Variants in ARSB observed in about 807,000 individuals in gnomAD.
ARSB encodes N-acetylgalactosamine-4-sulfatase.
Under a neutral mutation model 50.9 loss-of-function variants are expected in ARSB, and 41 were observed. That is an observed-to-expected ratio of 0.81 (90% confidence interval 0.63 to 1.04). The LOEUF is 1.04. Among genes scored for constraint, ARSB ranks in the 50% least tolerant of loss-of-function variants. ARSB has a pLI of 0.00. For missense variants in ARSB, 672 were observed against 693.3 expected, an observed-to-expected ratio of 0.97 and a Z score of 0.35; for synonymous variants, 269 against 284.8, an observed-to-expected ratio of 0.94 and a Z score of 0.56.
At position 78,945,061 on chromosome 5, in the gene ARSB, G is replaced by A. The variant is rs187513318; in HGVS notation, c.898+10234C>T. Among the ~76,000 whole-genome samples, 19 of 152,318 alleles carry A rather than the reference G, an allele frequency of 1.2e-4. No homozygotes were observed. In the East Asian group the frequency reaches 1.4e-3, roughly 11 times the overall value. On this transcript the variant is annotated intron_variant, in intron 4 of 7. Transcript: ENST00000264914. ...TAGCAATGAGCGAGGCTCCATGGGCGTAGGACCCTCTGAGCCAGGCGCGGG... is the reference window on the plus strand; with the variant it reads ...TAGCAATGAGCGAGGCTCCATGGGCATAGGACCCTCTGAGCCAGGCGCGGG...
intron 6 of ARSB, among the ~76,000 whole-genome samples, chr5:78,801,382 A>C (rs1743388316): frequency 6.6e-6 from 1 of 152,216 alleles, no homozygotes; most frequent in African/African-American, 2.4e-5. Context: ...GGATTGGTCA[A>C]GTAAGTCTAG....
intron 5 of ARSB, among the ~76,000 whole-genome samples, chr5:78,861,254 T>C (rs1332933853): frequency 6.6e-6 from 1 of 152,148 alleles, no homozygotes; most frequent in East Asian, 1.9e-4. Flanking sequence ...CCTCCCTAAC[T>C]CATTTTATGA....
intron 5 of ARSB, among the ~76,000 whole-genome samples, chr5:78,863,422 C>T (rs1468989425): frequency 1.3e-5 from 2 of 152,076 alleles, no homozygotes; most frequent in Non-Finnish European, 2.9e-5. Flanking sequence ...GAATACTGTA[C>T]AGCCATAAAA....
chr5:78,878,749 T>C (rs145677692), intron 5 of ARSB, among the ~76,000 whole-genome samples: 2 of 152,308 alleles, frequency 1.3e-5, no homozygotes, highest in East Asian at 3.9e-4. Flanking sequence ...ATACTAAGTT[T>C]TTAAGATATT....
chr5:78,885,388 C>T (rs780239564), intron 5 of ARSB, 196 bp downstream of exon 5: 2 of 787,756 alleles, frequency 2.5e-6, no homozygotes, highest in Non-Finnish European at 3.7e-6. Context: ...ACGTAAAACA[C>T]AGGCCCACAA....
intron 4 of ARSB, among the ~76,000 whole-genome samples, chr5:78,923,793 G>A (rs1425046565): frequency 1.3e-5 from 2 of 152,192 alleles, no homozygotes; most frequent in Non-Finnish European, 2.9e-5. Flanking sequence ...TCAGTGAATA[G>A]GTTCAGCTCT....
rs542634356 is a variant in ARSB at position 78,850,393 on chromosome 5, A to G, written c.1143-10967T>C. Among the ~76,000 whole-genome samples, 11 of 152,250 alleles carry G rather than the reference A, an allele frequency of 7.2e-5. No homozygotes were observed. In the East Asian group the frequency reaches 1.5e-3, roughly 21 times the overall value. On this transcript the variant is annotated intron_variant, in intron 5 of 7. Transcript: ENST00000264914. ...TTTGCGTATATTGAACCAGCCTTGCATCCCAGGGATGAAGCCCACTTGATC... is the reference window on the plus strand; with the variant it reads ...TTTGCGTATATTGAACCAGCCTTGCGTCCCAGGGATGAAGCCCACTTGATC...
intron 4 of ARSB, among the ~76,000 whole-genome samples, chr5:78,930,592 G>T (rs1007132006): frequency 6.6e-6 from 1 of 152,172 alleles, no homozygotes; most frequent in African/African-American, 2.4e-5. Flanking sequence ...TAAACCTGTG[G>T]TGCCAATAAT....
At chr5:78,906,039 C>T (rs1330411520) in intron 4 of ARSB, among the ~76,000 whole-genome samples, 1 of 151,308 alleles carries the variant, frequency 6.6e-6, no homozygotes, top group African/African-American at 2.4e-5. Context: ...TGCAGATCTT[C>T]AACTGGGGCC....
intron 6 of ARSB, among the ~76,000 whole-genome samples, chr5:78,800,906 AGAG>A (rs1743365953): frequency 6.6e-6 from 1 of 152,190 alleles, no homozygotes. Flanking sequence ...TAGGATTCAG[AGAG>A]GAGGATGAGC....
chr5:78,982,451 A>C (rs1335300091), intron 1 of ARSB, among the ~76,000 whole-genome samples: 1 of 152,250 alleles, frequency 6.6e-6, no homozygotes, highest in Non-Finnish European at 1.5e-5. Context: ...GGGATTATTT[A>C]GTATGTATGA....
At chr5:78,912,496 T>G (rs1007406823) in intron 4 of ARSB, among the ~76,000 whole-genome samples, 3 of 152,200 alleles carry the variant, frequency 2.0e-5, no homozygotes, top group Non-Finnish European at 2.9e-5. Context: ...TGTTTTTGGC[T>G]AGCAGGAAAA....
intron 6 of ARSB, among the ~76,000 whole-genome samples, chr5:78,827,061 GTA>G (rs1176834429): frequency 6.6e-6 from 1 of 152,170 alleles, no homozygotes; most frequent in African/African-American, 2.4e-5. Flanking sequence ...ACAAGAGACT[GTA>G]AACCTGGCCC....
chr5:78,940,716 T>G (rs1344206240), intron 4 of ARSB, among the ~76,000 whole-genome samples: 3 of 152,208 alleles, frequency 2.0e-5, no homozygotes, highest in African/African-American at 4.8e-5. Flanking sequence ...AGTCAGGTAG[T>G]GTGATGCCTC....
At chr5:78,931,465 T>C (rs770435436) in intron 4 of ARSB, among the ~76,000 whole-genome samples, 49 of 152,128 alleles carry the variant, frequency 3.2e-4, no homozygotes, top group Non-Finnish European at 1.0e-4. Flanking sequence ...CATGAATGCA[T>C]ATTCCTCACT....
chr5:78,902,680 T>C (rs78726122), intron 4 of ARSB, among the ~76,000 whole-genome samples: 2,252 of 152,338 alleles, frequency 0.015, 26 homozygotes, highest in South Asian at 0.041. Flanking sequence ...AGCCATATAT[T>C]GTATGATTCC....
chr5:78,777,966 G>C lies in ARSB; in HGVS notation c.*2431C>G, dbSNP rs1748818918. 6.6e-6 allele frequency: 1 copy of C among 151,808 alleles called. No individual in the cohort carries two copies. Among genetic ancestry groups the C allele is most frequent in the Non-Finnish European group, 1.5e-5 (1 of 67,986 alleles). The allele number at this position is 151,808 out of a possible 1,614,324, so 9.4% of individuals were successfully genotyped here. On this transcript the variant is annotated 3_prime_UTR_variant, in exon 8 of 8. Transcript: ENST00000264914. ...AATCTAATGAAATACATTCTATTAT[G>C]GATAAACCAAAATCTCAAGTACTTG... is the stretch of plus-strand genomic sequence containing the variant.
chr5:78,846,020 A>G (rs894321361), intron 5 of ARSB, among the ~76,000 whole-genome samples: 2 of 152,166 alleles, frequency 1.3e-5, no homozygotes, highest in African/African-American at 4.8e-5. Context: ...TTCAGGTCTT[A>G]TATTTAAGTC....
chr5:78,868,107 A>C, intron 5 of ARSB, among the ~76,000 whole-genome samples: 1 of 145,834 alleles, frequency 6.9e-6, no homozygotes, highest in South Asian at 2.3e-4. Context: ...AGGGACGTTT[A>C]GAGAAAAAAG....
Sources: allele counts gnomAD v4.1 joint callset (sites outside exome capture counted in the v4.1 genomes callset), GRCh38; gene constraint gnomAD v4.1.1; transcripts MANE v1.5; gene names NCBI Gene and HGNC (gene_info 2026-07-23, HGNC 2026-07-21).